TMTC2: variants seen among roughly 807,000 people sequenced by gnomAD.
TMTC2 encodes the protein transmembrane O-mannosyltransferase targeting cadherins 2, also known as protein O-mannosyl-transferase TMTC2.
TMTC2 carries 43 observed loss-of-function variants against 82.4 expected under a neutral mutation model. The ratio of observed to expected loss-of-function variants is 0.52; its 90% CI spans 0.41 to 0.67. TMTC2 has a LOEUF of 0.67. Among genes scored for constraint, TMTC2 ranks in the 30% least tolerant of loss-of-function variants. TMTC2 has a pLI of 0.00. For missense variants in TMTC2, 919 were observed against 1,012.4 expected, an observed-to-expected ratio of 0.91 and a Z score of 1.25; for synonymous variants, 408 against 381.9, an observed-to-expected ratio of 1.07 and a Z score of -0.80.
At chr12:83,020,627 T>G (rs1880874265) in intron 8 of TMTC2, among the ~76,000 whole-genome samples, 1 of 151,316 alleles carries the variant, frequency 6.6e-6, no homozygotes, top group South Asian at 2.1e-4. Flanking sequence ...TATGATAAGA[T>G]GTTGGTTTTC....
chr12:82,748,129 T>G (rs1592896962), intron 1 of TMTC2, among the ~76,000 whole-genome samples: 1 of 151,832 alleles, frequency 6.6e-6, no homozygotes, highest in African/African-American at 2.4e-5. Flanking sequence ...GCTAACAGGG[T>G]GAAACCCTGT....
intron 1 of TMTC2, among the ~76,000 whole-genome samples, chr12:82,813,508 A>T (rs1868518348): frequency 1.3e-5 from 2 of 151,982 alleles, no homozygotes; most frequent in African/African-American, 2.4e-5. Context: ...CATTCTGCTT[A>T]TTCTCTGCTT....
intron 11 of TMTC2, among the ~76,000 whole-genome samples, chr12:83,071,249 G>A (rs1011231074): frequency 6.6e-6 from 1 of 151,608 alleles, no homozygotes; most frequent in East Asian, 1.9e-4. Context: ...CCACCTCCTG[G>A]GTTCACGCCA....
intron 1 of TMTC2, among the ~76,000 whole-genome samples, chr12:82,829,456 G>A (rs1427019885): frequency 2.6e-5 from 4 of 151,958 alleles, no homozygotes; most frequent in Non-Finnish European, 4.4e-5. Flanking sequence ...GTGGCTTTTC[G>A]TTTTCATTTA....
intron 10 of TMTC2, among the ~76,000 whole-genome samples, chr12:83,057,236 G>T (rs778558878): frequency 6.6e-6 from 1 of 151,872 alleles, no homozygotes; most frequent in African/African-American, 2.4e-5. Flanking sequence ...GTTTGAGGCC[G>T]TGAAAGAATA....
chr12:82,978,570 G>GT (rs1237459253), intron 7 of TMTC2, among the ~76,000 whole-genome samples: 1 of 151,420 alleles, frequency 6.6e-6, no homozygotes, highest in African/African-American at 2.4e-5. Flanking sequence ...ATAATTTAAG[G>GT]TTTTTTTAGT....
chr12:82,902,822 C>T (rs1409878729), intron 3 of TMTC2, among the ~76,000 whole-genome samples: 1 of 151,994 alleles, frequency 6.6e-6, no homozygotes, highest in Admixed American at 6.6e-5. Flanking sequence ...ATGTAATATG[C>T]CTTTGTAACA....
chr12:83,098,159 C>T (rs1453603631), intron 11 of TMTC2, among the ~76,000 whole-genome samples: 1 of 152,168 alleles, frequency 6.6e-6, no homozygotes, highest in African/African-American at 2.4e-5. Flanking sequence ...TTTGGTCCTA[C>T]CCACAGATGG....
chr12:82,924,521 G>A (rs1875586528), intron 3 of TMTC2, among the ~76,000 whole-genome samples: 1 of 152,164 alleles, frequency 6.6e-6, no homozygotes, highest in African/African-American at 2.4e-5. Flanking sequence ...AGGAAAACAA[G>A]ATTTTTGCAG....
At chr12:82,846,006 G>A (rs990600908) in intron 1 of TMTC2, among the ~76,000 whole-genome samples, 1 of 151,088 alleles carries the variant, frequency 6.6e-6, no homozygotes, top group Non-Finnish European at 1.5e-5. Flanking sequence ...TTTATCGGGG[G>A]AACTAAAGAT....
chr12:82,804,389 T>A (rs191955811), intron 1 of TMTC2, among the ~76,000 whole-genome samples: 85 of 152,256 alleles, frequency 5.6e-4, no homozygotes, highest in Non-Finnish European at 9.0e-4. Context: ...AGAATTTCTT[T>A]GAAAAATCAT....
chr12:83,018,537 A>G (rs1418336662), intron 8 of TMTC2, among the ~76,000 whole-genome samples: 47 of 152,226 alleles, frequency 3.1e-4, no homozygotes. Flanking sequence ...TAATTGCACT[A>G]ATTCCCTAAA....
intron 1 of TMTC2, among the ~76,000 whole-genome samples, chr12:82,796,500 C>G (rs1368531258): frequency 6.6e-6 from 1 of 152,026 alleles, no homozygotes; most frequent in Non-Finnish European, 1.5e-5. Flanking sequence ...ACAACAGCCT[C>G]CTTTACATTT....
chr12:83,095,321 A>G (rs1368106557), intron 11 of TMTC2, among the ~76,000 whole-genome samples: 1 of 150,792 alleles, frequency 6.6e-6, no homozygotes, highest in Non-Finnish European at 1.5e-5. Flanking sequence ...GCTCACTGCA[A>G]GCTCTGCCTC....
At chr12:82,802,092 G>A (rs1592533328) in intron 1 of TMTC2, among the ~76,000 whole-genome samples, 1 of 152,084 alleles carries the variant, frequency 6.6e-6, no homozygotes, top group Non-Finnish European at 1.5e-5. Context: ...AGCAGGGGGT[G>A]GCGTTCGTGG....
intron 2 of TMTC2, among the ~76,000 whole-genome samples, chr12:82,885,089 G>T (rs1231409290): frequency 6.8e-6 from 1 of 148,088 alleles, no homozygotes; most frequent in Admixed American, 6.7e-5. Context: ...TTTTTGTAGA[G>T]ATGGGCTCTT....
chr12:83,019,073 C>G (rs976182069), intron 8 of TMTC2, among the ~76,000 whole-genome samples: 1 of 152,008 alleles, frequency 6.6e-6, no homozygotes, highest in Non-Finnish European at 1.5e-5. Flanking sequence ...TCTGGGCAGG[C>G]TTAATTTGGT....
At position 82,753,171 on chromosome 12, in the gene TMTC2, C is replaced by T. The variant is rs1298383072; in HGVS notation, c.83+65502C>T. ...GGTCCTTTCAGCTGCTCATCTTTTC[C>T]ACTCATCACTTTTGCCCTCCTACCC... is the stretch of plus-strand genomic sequence containing the variant. On this transcript the variant is annotated intron_variant, in intron 1 of 11. Coordinates refer to ENST00000321196, the MANE Select transcript of TMTC2 (RefSeq NM_152588.3). Among the ~76,000 whole-genome samples the T allele has an allele frequency of 2.0e-5, 3 of 152,196 alleles. No individual in the cohort carries two copies. In the East Asian group the frequency reaches 5.8e-4, roughly 29 times the overall value.
intron 1 of TMTC2, among the ~76,000 whole-genome samples, chr12:82,728,879 G>A (rs953213576): frequency 1.5e-4 from 23 of 152,204 alleles, no homozygotes; most frequent in Non-Finnish European, 2.9e-4. Flanking sequence ...CAGCCAGCCC[G>A]CTGCACTGGG....
Sources: allele counts gnomAD v4.1 joint callset (sites outside exome capture counted in the v4.1 genomes callset), GRCh38; gene constraint gnomAD v4.1.1; transcripts MANE v1.5; gene names NCBI Gene and HGNC (gene_info 2026-07-23, HGNC 2026-07-21).